Variants in PPP6R2 observed in about 807,000 individuals in gnomAD.
PPP6R2 encodes the protein protein phosphatase 6 regulatory subunit 2, also known as serine/threonine-protein phosphatase 6 regulatory subunit 2.
In PPP6R2, 62 loss-of-function variants were observed where a neutral mutation model predicts 100.2. That is an observed-to-expected ratio of 0.62 (90% confidence interval 0.50 to 0.76). The LOEUF (loss-of-function observed/expected upper bound fraction) is 0.76, where lower values mean the gene tolerates loss of function less well. PPP6R2 is among the 30% of genes least tolerant of loss of function. PPP6R2 has a pLI of 0.00. For synonymous variants in PPP6R2, 525 were observed against 514.7 expected, an observed-to-expected ratio of 1.02 and a Z score of -0.27; for missense variants, 1,142 against 1,276.3, an observed-to-expected ratio of 0.89 and a Z score of 1.60.
At chr22:50,359,000 C>T (rs1421344338) in intron 1 of PPP6R2, among the ~76,000 whole-genome samples, 2 of 106,272 alleles carry the variant, frequency 1.9e-5, no homozygotes, top group African/African-American at 5.7e-5. Flanking sequence ...GCCCCCCCCC[C>T]CCCCCCAACT....
intron 2 of PPP6R2, among the ~76,000 whole-genome samples, chr22:50,382,142 A>G (rs1180354940): frequency 6.6e-6 from 1 of 152,192 alleles, no homozygotes; most frequent in Admixed American, 6.6e-5. Flanking sequence ...AATAAATCAG[A>G]AAAAGGATAA....
At chr22:50,415,719 A>C (rs1009469757) in intron 5 of PPP6R2, among the ~76,000 whole-genome samples, 3 of 152,184 alleles carry the variant, frequency 2.0e-5, no homozygotes, top group Non-Finnish European at 1.5e-5. Context: ...CTTCCTCAAC[A>C]TGGGAAGGCC....
At chr22:50,402,250 T>A (rs891074528) in intron 3 of PPP6R2, among the ~76,000 whole-genome samples, 1 of 152,078 alleles carries the variant, frequency 6.6e-6, no homozygotes, top group Non-Finnish European at 1.5e-5. Context: ...AAAGAATCCT[T>A]CTAGCTCTCC....
intron 2 of PPP6R2, among the ~76,000 whole-genome samples, chr22:50,389,835 C>T (rs1487729303): frequency 6.6e-6 from 1 of 152,000 alleles, no homozygotes; most frequent in Non-Finnish European, 1.5e-5. Flanking sequence ...GTGATCTGCC[C>T]GCCTTGGCCC....
intron 2 of PPP6R2, among the ~76,000 whole-genome samples, chr22:50,373,142 A>G (rs1367694026): frequency 6.6e-6 from 1 of 152,130 alleles, no homozygotes; most frequent in Admixed American, 6.6e-5. Flanking sequence ...AAGGGGAGGG[A>G]AGGACCTCTG....
At chr22:50,438,332 C>A (rs118082496) in intron 18 of PPP6R2, 34 bp downstream of exon 18, 19,101 of 1,594,498 alleles carry the variant, frequency 0.012, 140 homozygotes, top group Non-Finnish European at 0.015. Context: ...AAAGCCTCTG[C>A]CGAGGAGGTT....
intron 1 of PPP6R2, among the ~76,000 whole-genome samples, chr22:50,368,175 G>A (rs571508822): frequency 6.6e-6 from 1 of 152,378 alleles, no homozygotes; most frequent in African/African-American, 2.4e-5. Flanking sequence ...GAGCGTGACC[G>A]CTGAAGCACA....
chr22:50,358,758 A>G (rs1235192291), intron 1 of PPP6R2, among the ~76,000 whole-genome samples: 4 of 152,050 alleles, frequency 2.6e-5, no homozygotes, highest in African/African-American at 7.2e-5. Flanking sequence ...TGGGGTCAGG[A>G]TGCATTTTTC....
intron 1 of PPP6R2, among the ~76,000 whole-genome samples, chr22:50,354,243 T>C (rs1165565196): frequency 6.6e-6 from 1 of 151,870 alleles, no homozygotes; most frequent in African/African-American, 2.4e-5. Flanking sequence ...AGGTGGAGAT[T>C]GTAGTGAGCC....
intron 2 of PPP6R2, among the ~76,000 whole-genome samples, chr22:50,386,436 C>G (rs536497349): frequency 6.6e-6 from 1 of 152,116 alleles, no homozygotes; most frequent in East Asian, 1.9e-4. Context: ...CCACTACGCC[C>G]GGCCTTAAGT....
chr22:50,373,504 A>G (rs1291934845), intron 2 of PPP6R2, among the ~76,000 whole-genome samples: 11 of 151,544 alleles, frequency 7.3e-5, no homozygotes, highest in Admixed American at 3.3e-4. Context: ...CGGCCTCCCA[A>G]AGTGCTGGGA....
chr22:50,357,447 T>G (rs1467192155), intron 1 of PPP6R2, among the ~76,000 whole-genome samples: 1 of 151,698 alleles, frequency 6.6e-6, no homozygotes, highest in African/African-American at 2.4e-5. Context: ...TTTTTCTCTC[T>G]CTTTCCCTAC....
intron 15 of PPP6R2, among the ~76,000 whole-genome samples, 200 bp downstream of exon 15, chr22:50,437,268 G>A (rs752351626): frequency 6.6e-5 from 10 of 152,210 alleles, no homozygotes; most frequent in African/African-American, 1.9e-4. Context: ...CTGAGGACAC[G>A]GCAGATGGAC....
chr22:50,376,700 A>G (rs1488534621), intron 2 of PPP6R2, among the ~76,000 whole-genome samples: 1 of 151,772 alleles, frequency 6.6e-6, no homozygotes, highest in Non-Finnish European at 1.5e-5. Context: ...CTGGAATTAC[A>G]GGCGTGATCT....
intron 9 of PPP6R2, among the ~76,000 whole-genome samples, chr22:50,422,736 G>T (rs1158927454): frequency 6.6e-6 from 1 of 152,156 alleles, no homozygotes; most frequent in Non-Finnish European, 1.5e-5. Context: ...ATGTTGAGGG[G>T]GGTGAGGCAC....
intron 2 of PPP6R2, chr22:50,388,877 A>G (rs1016291762): frequency 2.6e-5 from 4 of 152,042 alleles, no homozygotes; most frequent in Non-Finnish European, 5.9e-5. Flanking sequence ...TCTCAAAAAA[A>G]AAAAAGAAAA....
intron 2 of PPP6R2, among the ~76,000 whole-genome samples, chr22:50,376,237 T>G (rs990619534): frequency 6.6e-6 from 1 of 151,688 alleles, no homozygotes; most frequent in Non-Finnish European, 1.5e-5. Flanking sequence ...GGAGGATGGC[T>G]TGAGTCCATG....
intron 21 of PPP6R2, among the ~76,000 whole-genome samples, chr22:50,440,436 T>C (rs2065316502): frequency 6.6e-6 from 1 of 151,636 alleles, no homozygotes; most frequent in African/African-American, 2.4e-5. Flanking sequence ...GCTCAGAAGC[T>C]CCCCCAGATA....
intron 2 of PPP6R2, among the ~76,000 whole-genome samples, chr22:50,379,028 CTG>C (rs1217055585): frequency 2.0e-5 from 3 of 152,198 alleles, no homozygotes. Flanking sequence ...GAGGCACCAT[CTG>C]TGAAAATTAG....
Sources: allele counts gnomAD v4.1 joint callset (sites outside exome capture counted in the v4.1 genomes callset), GRCh38; gene constraint gnomAD v4.1.1; transcripts MANE v1.5; gene names NCBI Gene and HGNC (gene_info 2026-07-23, HGNC 2026-07-21).